CTPS2: variants seen among roughly 807,000 people sequenced by gnomAD.
The protein encoded by CTPS2 is CTP synthase 2.
A neutral mutation model predicts 46.8 loss-of-function variants in CTPS2; 19 were observed. The observed-to-expected ratio is 0.41, with a 90% CI of 0.28 to 0.60. The LOEUF (loss-of-function observed/expected upper bound fraction) is 0.60. Ranked by LOEUF, CTPS2 falls within the 20% of genes least tolerant of loss-of-function variation. The probability of loss-of-function intolerance (pLI) is 0.35; values close to 1 mark genes in which losing one functional copy is unlikely to be tolerated. For missense variants in CTPS2, 286 were observed against 447.6 expected (o/e 0.64, Z 3.26); for synonymous variants, 151 against 165.2 (o/e 0.91, Z 0.66).
chrX:16,607,907 T>A (rs779032303), intron 17 of CTPS2, among the ~76,000 whole-genome samples: 4 of 113,118 alleles, frequency 3.5e-5, no homozygotes, highest in Non-Finnish European at 5.6e-5. Context: ...CCCAAACTAG[T>A]ATTGAAATGT....
At chrX:16,605,591 G>A (rs1387541362) in intron 17 of CTPS2, among the ~76,000 whole-genome samples, 26 of 111,131 alleles carry the variant, frequency 2.3e-4, no homozygotes, top group African/African-American at 6.9e-4. Context: ...GCATGGTGGC[G>A]GGTGCCTGTA....
intron 13 of CTPS2, among the ~76,000 whole-genome samples, chrX:16,659,349 A>ACT (rs762338906): frequency 2.7e-4 from 30 of 111,795 alleles, no homozygotes; most frequent in African/African-American, 9.4e-4. Context: ...TCAAAAAAGT[A>ACT]GCATTTCAAC....
chrX:16,685,907 G>A (rs1923165410), intron 8 of CTPS2, among the ~76,000 whole-genome samples: 1 of 106,837 alleles, frequency 9.4e-6, no homozygotes, highest in Non-Finnish European at 1.9e-5. Flanking sequence ...TGAATAGGAG[G>A]AGGTGGAGAA....
intron 16 of CTPS2, among the ~76,000 whole-genome samples, chrX:16,613,577 C>G (rs1930373210): frequency 9.1e-6 from 1 of 109,656 alleles, no homozygotes; most frequent in African/African-American, 3.3e-5. Context: ...TGGTTCTCCA[C>G]CAAATGTGCC....
chrX:16,617,582 A>C (rs1040492084), intron 15 of CTPS2, among the ~76,000 whole-genome samples: 1 of 111,881 alleles, frequency 8.9e-6, no homozygotes, highest in Non-Finnish European at 1.9e-5. Flanking sequence ...GTACTTCCCT[A>C]TCTCTCCCCG....
intron 13 of CTPS2, among the ~76,000 whole-genome samples, chrX:16,644,642 G>A (rs1457472719): frequency 8.9e-6 from 1 of 111,787 alleles, no homozygotes; most frequent in African/African-American, 3.3e-5. Context: ...GCCTCTAGAA[G>A]CTGGAAAAAG....
chrX:16,697,655 G>A (rs1924227999), intron 4 of CTPS2, among the ~76,000 whole-genome samples: 1 of 108,848 alleles, frequency 9.2e-6, no homozygotes, highest in Non-Finnish European at 1.9e-5. Flanking sequence ...TGTTGCCCAG[G>A]CTGTCTCAAA....
chrX:16,708,659 G>A lies in CTPS2; in HGVS notation c.-40+3676C>T, dbSNP rs192886303. 6.3e-5 allele frequency among the ~76,000 whole-genome samples: 7 copies of A among 111,197 alleles called. No homozygotes were observed. In the East Asian group the frequency reaches 1.7e-3, roughly 27 times the overall value. ...AAAAAGACAAGGTCTATGTTCCACT[G>A]GACTTCACCTTTCCTGCAGGATTAA... On this transcript the variant is annotated intron_variant, in intron 1 of 18. Transcript: ENST00000359276.
intron 14 of CTPS2, among the ~76,000 whole-genome samples, chrX:16,635,263 T>C (rs1454679477): frequency 1.8e-5 from 2 of 111,940 alleles, no homozygotes; most frequent in Non-Finnish European, 3.8e-5. Flanking sequence ...AAAAGAAATA[T>C]GCCAATACGG....
chrX:16,637,331 G>A (rs767778040), intron 14 of CTPS2, among the ~76,000 whole-genome samples: 50 of 111,399 alleles, frequency 4.5e-4, no homozygotes, highest in Non-Finnish European at 5.5e-4. Context: ...TGATCGTCCC[G>A]CTTCAGCCTC....
chrX:16,639,378 C>T (rs900424170), intron 13 of CTPS2, 135 bp from the exon 14 acceptor site: 5 of 518,403 alleles, frequency 9.6e-6, no homozygotes, highest in South Asian at 2.9e-5. Flanking sequence ...GTCTTTCCAA[C>T]GATCATGTTC....
chrX:16,663,505 C>T (rs909418909), intron 13 of CTPS2, among the ~76,000 whole-genome samples: 1 of 111,049 alleles, frequency 9.0e-6, no homozygotes, highest in Non-Finnish European at 1.9e-5. Context: ...TGGGTATACA[C>T]ACACAAAAAC....
chrX:16,662,698 C>CTT (rs760420123), intron 13 of CTPS2, among the ~76,000 whole-genome samples: 3 of 94,180 alleles, frequency 3.2e-5, no homozygotes, highest in Non-Finnish European at 6.4e-5. Flanking sequence ...TCTCCTTAGT[C>CTT]TTTTTTTTTT....
rs7066628 is a variant in CTPS2 at position 16,664,038 on chromosome X, A to G, written c.1296+3476T>C. 8.6e-3 allele frequency among the ~76,000 whole-genome samples: 952 copies of G among 111,233 alleles called. 7 individuals are homozygous for G. Among genetic ancestry groups the G allele is most frequent in the African/African-American group, 0.017 (508 of 30,602 alleles). On this transcript the variant is annotated intron_variant, in intron 13 of 18. Coordinates refer to ENST00000359276, the MANE Select transcript of CTPS2 (RefSeq NM_175859.3). The stretch of plus-strand genomic sequence containing the variant: ...TTTTTAGTAGAGACAAAGTTTCACC[A>G]TGTTAGCCAGGATGGTCTTGATCTC...
chrX:16,620,663 T>C (rs983442879), intron 14 of CTPS2, among the ~76,000 whole-genome samples: 2 of 111,996 alleles, frequency 1.8e-5, no homozygotes, highest in African/African-American at 6.5e-5. Context: ...GTCTGCACTA[T>C]CGCTTCAGTG....
chrX:16,601,264 T>C (rs1174968352), intron 17 of CTPS2, among the ~76,000 whole-genome samples: 1 of 110,991 alleles, frequency 9.0e-6, no homozygotes, highest in Non-Finnish European at 1.9e-5. Context: ...CCACGCAACG[T>C]AAGAGAAGCA....
At chrX:16,682,259 C>A (rs1257654711) in intron 9 of CTPS2, among the ~76,000 whole-genome samples, 1 of 112,030 alleles carries the variant, frequency 8.9e-6, no homozygotes, top group Admixed American at 9.5e-5. Flanking sequence ...CCAAGACGGG[C>A]AGATCACCTG....
intron 13 of CTPS2, among the ~76,000 whole-genome samples, chrX:16,647,961 G>A (rs927448990): frequency 1.6e-4 from 18 of 110,322 alleles, no homozygotes; most frequent in Non-Finnish European, 3.2e-4. Context: ...ATGTATCCGG[G>A]CATGGTGGCA....
intron 14 of CTPS2, among the ~76,000 whole-genome samples, chrX:16,630,412 G>T (rs913513968): frequency 9.2e-6 from 1 of 109,143 alleles, no homozygotes; most frequent in Non-Finnish European, 1.9e-5. Flanking sequence ...GTGCCACCAC[G>T]CCTGGCTAAT....
Sources: allele counts gnomAD v4.1 joint callset (sites outside exome capture counted in the v4.1 genomes callset), GRCh38; gene constraint gnomAD v4.1.1; transcripts MANE v1.5; gene names NCBI Gene and HGNC (gene_info 2026-07-23, HGNC 2026-07-21).